The following C11orf65 variants were observed in gnomAD, a reference collection of about 807,000 sequenced individuals.
C11orf65 encodes chromosome 11 open reading frame 65.
Under a neutral mutation model 35.3 loss-of-function variants are expected in C11orf65, and 38 were observed. The observed-to-expected ratio is 1.08, with a 90% CI of 0.83 to 1.41. The LOEUF (loss-of-function observed/expected upper bound fraction) is 1.41, where lower values mean the gene tolerates loss of function less well. Among genes scored for constraint, C11orf65 ranks in the 40% most tolerant of loss-of-function variants. The pLI is 0.00. For missense variants in C11orf65, 370 were observed against 367.1 expected, an observed-to-expected ratio of 1.01 and a Z score of -0.06; for synonymous variants, 105 against 114.4, an observed-to-expected ratio of 0.92 and a Z score of 0.53.
At chr11:108,420,499 T>C (rs2092800211) in intron 3 of C11orf65, among the ~76,000 whole-genome samples, 1 of 152,138 alleles carries the variant, frequency 6.6e-6, no homozygotes, top group Non-Finnish European at 1.5e-5. Context: ...TGGACATGGG[T>C]TGACCTAGCA....
intron 2 of C11orf65, among the ~76,000 whole-genome samples, chr11:108,371,112 G>A (rs918347332): frequency 2.0e-5 from 3 of 152,172 alleles, no homozygotes; most frequent in East Asian, 3.8e-4. Flanking sequence ...GTTAAGGTCA[G>A]TATTCCCATA....
Position 108,405,433 on chromosome 11 carries a change from G to C in C11orf65, c.556C>G (p.Gln186Glu). ...GTAAGTGTTTCATCAACTTACATTT[G>C]CCTCATCCACTCTATTTTTCTAAGT... ...RKLRKIEWMR[Q>E]MYYSGSLEAK... is the part of the protein sequence containing the mutation. The change falls in exon 6 of 9, where the codon CAA (glutamine) becomes GAA (glutamate). Residue 186 changes from glutamine (Q) to glutamate (E), a missense_variant. Transcript: ENST00000393084. The C allele has an allele frequency of 6.2e-7, 1 of 1,610,796 alleles. No homozygotes were observed. The highest frequency in any genetic ancestry group is 8.5e-7 in the Non-Finnish European group (1 of 1,179,376).
intron 3 of C11orf65, among the ~76,000 whole-genome samples, chr11:108,422,219 C>T (rs946142271): frequency 1.6e-4 from 25 of 152,208 alleles, no homozygotes; most frequent in Admixed American, 1.2e-3. Context: ...TGAGCCACCG[C>T]GCCTGGCCGA....
intron 2 of C11orf65, among the ~76,000 whole-genome samples, chr11:108,349,884 T>C (rs906165679): frequency 6.6e-5 from 10 of 152,150 alleles, no homozygotes; most frequent in African/African-American, 2.4e-4. Context: ...GGCTTTAGAT[T>C]GGAGGCATGT....
chr11:108,405,364 C>G (rs9667658), intron 6 of C11orf65, 65 bp downstream of exon 6: 633,078 of 1,540,564 alleles, frequency 0.41, 133,288 homozygotes, highest in East Asian at 0.54. Context: ...AGCAATACCT[C>G]ATTTCAAATT....
chr11:108,426,178 T>C (rs1419095948), intron 3 of C11orf65, among the ~76,000 whole-genome samples: 1 of 151,876 alleles, frequency 6.6e-6, no homozygotes, highest in Non-Finnish European at 1.5e-5. Context: ...AAATAAAGAG[T>C]ATTCAAATAG....
chr11:108,385,732 T>TCC (rs2091979914), intron 8 of C11orf65, among the ~76,000 whole-genome samples, 188 bp downstream of exon 8: 2 of 151,982 alleles, frequency 1.3e-5, no homozygotes, highest in African/African-American at 4.8e-5. Context: ...CAAACTTAAA[T>TCC]AATATAGGAC....
intron 2 of C11orf65, among the ~76,000 whole-genome samples, chr11:108,358,170 C>A (rs948427907): frequency 1.3e-5 from 2 of 150,492 alleles, no homozygotes; most frequent in African/African-American, 2.5e-5. Context: ...GGAGCCGATG[C>A]GATCAACTGG....
intron 3 of C11orf65, among the ~76,000 whole-genome samples, chr11:108,411,273 T>C (rs1394628268): frequency 2.0e-5 from 3 of 152,184 alleles, no homozygotes; most frequent in African/African-American, 7.2e-5. Flanking sequence ...AATTTGGTGG[T>C]TTTCTACTTC....
chr11:108,325,178 T>C (rs1370781124), intron 6 of C11orf65: 1 of 645,090 alleles, frequency 1.6e-6, no homozygotes, highest in Non-Finnish European at 2.6e-6. Flanking sequence ...ATTTACAAGT[T>C]CTAGTCTTGT....
rs755706903 is a variant in C11orf65, at chr11:108,333,927, A to C, written c.299+1293T>G. ...AGCAGACCAGCCAATTACTAAACTT[A>C]AGAATTTAGAAGATGTTGTTGTCCC... is the stretch of plus-strand genomic sequence containing the variant. On this transcript the variant is annotated intron_variant, in intron 3 of 3. Coordinates refer to the C11orf65 transcript ENST00000524755. The C allele has an allele frequency of 6.2e-7, 1 of 1,611,736 alleles. No homozygotes were observed. Among genetic ancestry groups the C allele is most frequent in the Non-Finnish European group, 8.5e-7 (1 of 1,177,838 alleles).
In C11orf65 at chr11:108,317,517, G is replaced by A. The variant is rs587780634; in HGVS notation, c.641-8446C>T. On this transcript the variant is annotated intron_variant, in intron 6 of 6. Coordinates refer to the C11orf65 transcript ENST00000525729. ...TATGCAGTGGGACCATTGCACTTCC[G>A]TCAGGTAAGAAATTTGACTTGATTT... 4.2e-5 allele frequency: 67 copies of A among 1,600,824 alleles called. No individual in the cohort carries two copies. Among genetic ancestry groups the A allele is most frequent in the African/African-American group, 1.4e-4 (10 of 71,682 alleles).
chr11:108,320,137 T>C (rs2136225041), intron 6 of C11orf65: 2 of 1,118,986 alleles, frequency 1.8e-6, no homozygotes, highest in South Asian at 2.5e-5. Context: ...GAAACAATTT[T>C]AATGTAAGGA....
At chr11:108,349,646 G>A (rs1375066994) in intron 2 of C11orf65, among the ~76,000 whole-genome samples, 1 of 152,102 alleles carries the variant, frequency 6.6e-6, no homozygotes, top group Non-Finnish European at 1.5e-5. Context: ...CTGGGCGGCA[G>A]AGCAAGACTG....
At chr11:108,370,551 G>C (rs545577525) in intron 2 of C11orf65, among the ~76,000 whole-genome samples, 21 of 146,520 alleles carry the variant, frequency 1.4e-4, no homozygotes, top group Middle Eastern at 3.3e-3. Flanking sequence ...TTCTAGTCCT[G>C]TGCCTCATCT....
At chr11:108,430,897 AACACAC>A (rs10588668) in intron 3 of C11orf65, among the ~76,000 whole-genome samples, 10,885 of 143,594 alleles carry the variant, frequency 0.076, 449 homozygotes, top group Non-Finnish European at 0.087. Flanking sequence ...AAGGATAGGG[AACACAC>A]ACACACACAC....
At chr11:108,372,452 C>T (rs1464567857) in intron 2 of C11orf65, among the ~76,000 whole-genome samples, 2 of 152,228 alleles carry the variant, frequency 1.3e-5, no homozygotes, top group African/African-American at 2.4e-5. Context: ...CTCAGCACCC[C>T]AAAGTGCTGG....
chr11:108,402,386 T>C (rs574137153), intron 6 of C11orf65, among the ~76,000 whole-genome samples: 56 of 152,208 alleles, frequency 3.7e-4, no homozygotes, highest in African/African-American at 1.2e-3. Flanking sequence ...AGTGCCCTTA[T>C]CTTAGTGCAA....
At chr11:108,434,889 C>A in intron 2 of C11orf65, among the ~76,000 whole-genome samples, 1 of 152,160 alleles carries the variant, frequency 6.6e-6, no homozygotes, top group East Asian at 1.9e-4. Flanking sequence ...CCAATGGGCC[C>A]ATGCTTGTGA....
Sources: allele counts gnomAD v4.1 joint callset (sites outside exome capture counted in the v4.1 genomes callset), GRCh38; gene constraint gnomAD v4.1.1; transcripts MANE v1.5; gene names NCBI Gene and HGNC (gene_info 2026-07-23, HGNC 2026-07-21).